DLG2: variants seen among roughly 807,000 people sequenced by gnomAD.
DLG2 encodes the protein discs large MAGUK scaffold protein 2.
In DLG2, 45 loss-of-function variants were observed where a neutral mutation model predicts 132.5. The ratio of observed to expected loss-of-function variants is 0.34; its 90% CI spans 0.27 to 0.44. The LOEUF (loss-of-function observed/expected upper bound fraction) is 0.44, where lower values mean the gene tolerates loss of function less well. Among genes scored for constraint, DLG2 ranks in the 20% least tolerant of loss-of-function variants. DLG2 has a pLI of 1.00. For missense variants in DLG2, 1,045 were observed against 1,196.9 expected (o/e 0.87, Z 1.87); for synonymous variants, 424 against 419.6 (o/e 1.01, Z -0.13).
intron 6 of DLG2, among the ~76,000 whole-genome samples, chr11:84,875,221 A>G (rs1174366716): frequency 6.6e-6 from 1 of 152,150 alleles, no homozygotes; most frequent in Non-Finnish European, 1.5e-5. Flanking sequence ...TTGGTTTAAT[A>G]CTTTTGTAAG....
At chr11:85,171,495 G>T (rs768189739) in intron 4 of DLG2, among the ~76,000 whole-genome samples, 11 of 152,204 alleles carry the variant, frequency 7.2e-5, no homozygotes, top group African/African-American at 2.7e-4. Flanking sequence ...GGCCACTGGG[G>T]CATGCACAGA....
At chr11:84,280,645 T>A (rs988957771) in intron 7 of DLG2, among the ~76,000 whole-genome samples, 2 of 152,108 alleles carry the variant, frequency 1.3e-5, no homozygotes, top group Non-Finnish European at 2.9e-5. Context: ...GAAAACTGAA[T>A]CCCAGATAGT....
At chr11:85,257,064 AAGAC>A (rs1454163998) in intron 4 of DLG2, among the ~76,000 whole-genome samples, 17 of 152,212 alleles carry the variant, frequency 1.1e-4, no homozygotes, top group African/African-American at 2.9e-4. Flanking sequence ...AAGAAAGAAA[AAGAC>A]AGAGAAGAAC....
At chr11:83,940,635 C>T (rs1174463877) in intron 14 of DLG2, among the ~76,000 whole-genome samples, 1 of 152,146 alleles carries the variant, frequency 6.6e-6, no homozygotes, top group Non-Finnish European at 1.5e-5. Context: ...TACTTGCCCT[C>T]AGTGATCTGA....
chr11:83,530,173 G>GA (rs897935456), intron 21 of DLG2, among the ~76,000 whole-genome samples: 1 of 151,138 alleles, frequency 6.6e-6, no homozygotes, highest in Non-Finnish European at 1.5e-5. Context: ...AGGAATCATG[G>GA]AAAAAAAACC....
chr11:84,449,786 A>C (rs2099046207), intron 7 of DLG2, among the ~76,000 whole-genome samples: 1 of 151,856 alleles, frequency 6.6e-6, no homozygotes, highest in Admixed American at 6.6e-5. Context: ...CATCCGAATA[A>C]ACACAAGGGT....
chr11:83,714,623 A>C (rs1393226179), intron 18 of DLG2, among the ~76,000 whole-genome samples: 2 of 152,240 alleles, frequency 1.3e-5, no homozygotes, highest in Non-Finnish European at 1.5e-5. Context: ...AAAGATGAGT[A>C]GCATTTCTAA....
chr11:85,400,070 C>G (rs574824479), intron 3 of DLG2, among the ~76,000 whole-genome samples: 7 of 151,742 alleles, frequency 4.6e-5, no homozygotes, highest in Non-Finnish European at 1.0e-4. Flanking sequence ...ACAAAGAACT[C>G]AAACAAATTT....
intron 18 of DLG2, among the ~76,000 whole-genome samples, chr11:83,641,549 T>A (rs1023257018): frequency 3.3e-5 from 5 of 152,102 alleles, no homozygotes; most frequent in Non-Finnish European, 7.4e-5. Flanking sequence ...CACTTAGAGC[T>A]TTTCTCACCC....
At chr11:83,480,410 T>C (rs1052578798) in intron 22 of DLG2, 1 of 1,535,486 alleles carries the variant, frequency 6.5e-7, no homozygotes, top group Non-Finnish European at 8.7e-7. Flanking sequence ...AGAAGAAACA[T>C]GTTCTGCAAG....
At chr11:85,021,724 G>A in intron 6 of DLG2, 1 of 746,570 alleles carries the variant, frequency 1.3e-6, no homozygotes, top group Middle Eastern at 2.5e-4. Flanking sequence ...CCATAGGAGT[G>A]AGGAGGGAGA....
intron 6 of DLG2, among the ~76,000 whole-genome samples, chr11:84,713,719 T>C (rs543831933): frequency 6.6e-6 from 1 of 152,234 alleles, no homozygotes; most frequent in East Asian, 1.9e-4. Flanking sequence ...TTAAAATAAA[T>C]GCAGAAATAC....
intron 3 of DLG2, among the ~76,000 whole-genome samples, chr11:85,438,053 G>A (rs981491801): frequency 1.3e-4 from 20 of 152,210 alleles, no homozygotes; most frequent in Non-Finnish European, 1.6e-4. Context: ...GAGGGCTTCA[G>A]AGAGCTTCTA....
intron 6 of DLG2, among the ~76,000 whole-genome samples, chr11:84,814,364 T>A (rs1188737834): frequency 6.6e-6 from 1 of 152,058 alleles, no homozygotes; most frequent in African/African-American, 2.4e-5. Context: ...TAATCTAGGC[T>A]TTTTCTGCTC....
Position 85,201,667 on chromosome 11 carries a change from A to T in DLG2, c.187-47016T>A, listed in dbSNP as rs567712117. On this transcript the variant is annotated intron_variant, in intron 4 of 27. Coordinates refer to ENST00000376104, the MANE Select transcript of DLG2 (RefSeq NM_001142699.3). ...AGACTGCAAAGTAAAATAAATACCT[A>T]TTTCCTCAATTTGCAGAAATTGTTA... Among the ~76,000 whole-genome samples, 8 of 152,320 alleles carry T rather than the reference A, an allele frequency of 5.3e-5. No individual in the cohort carries two copies. In the East Asian group the frequency reaches 1.5e-3, roughly 29 times the overall value.
chr11:83,863,050 G>A (rs905833078), intron 16 of DLG2, among the ~76,000 whole-genome samples: 1 of 152,118 alleles, frequency 6.6e-6, no homozygotes, highest in African/African-American at 2.4e-5. Flanking sequence ...CTGTTATATA[G>A]GCAATCAAGA....
chr11:83,849,335 A>T (rs11233761), intron 16 of DLG2, among the ~76,000 whole-genome samples: 1 of 137,910 alleles, frequency 7.3e-6, no homozygotes, highest in Admixed American at 7.0e-5. Context: ...AAATTAATAA[A>T]TAATAAACAA....
Position 83,457,419 on chromosome 11 carries a change from T to G in DLG2, c.*2399A>C, listed in dbSNP as rs983908845. 1.3e-5 allele frequency: 2 copies of G among 152,606 alleles called. No homozygotes were observed. The highest frequency in any genetic ancestry group is 1.3e-4 in the Admixed American group (2 of 15,280). 9.5% of individuals were successfully genotyped at this position (152,606 alleles called of 1,614,324 possible). A position where few individuals can be genotyped will look rare whatever the true frequency, so the allele number is the denominator to read the frequency against. ...TTCTTCAAGCAAATATATATGTATC[T>G]ATATATTTATATAAATCTACATAAA... On this transcript the variant is annotated 3_prime_UTR_variant, in exon 28 of 28. Coordinates refer to ENST00000376104, the MANE Select transcript of DLG2 (RefSeq NM_001142699.3).
intron 6 of DLG2, among the ~76,000 whole-genome samples, chr11:84,839,900 T>A (rs2080378810): frequency 6.6e-6 from 1 of 152,028 alleles, no homozygotes; most frequent in African/African-American, 2.4e-5. Context: ...GAAGAAAACC[T>A]AGGCAATACC....
Sources: allele counts gnomAD v4.1 joint callset (sites outside exome capture counted in the v4.1 genomes callset), GRCh38; gene constraint gnomAD v4.1.1; transcripts MANE v1.5; gene names NCBI Gene and HGNC (gene_info 2026-07-23, HGNC 2026-07-21).